Variants in WDR20 observed in about 807,000 individuals in gnomAD.
WDR20 encodes WD repeat-containing protein 20.
WDR20 carries 3 observed loss-of-function variants against 38.7 expected under a neutral mutation model. The ratio of observed to expected loss-of-function variants is 0.08; its 90% CI spans 0.04 to 0.20. The LOEUF is 0.20. WDR20 is among the 10% of genes least tolerant of loss of function. WDR20 has a pLI of 1.00. For synonymous variants in WDR20, 298 were observed against 285.6 expected (o/e 1.04, Z -0.44); for missense variants, 559 against 727.7 (o/e 0.77, Z 2.67).
intron 2 of WDR20, among the ~76,000 whole-genome samples, chr14:102,196,825 C>T (rs2059492397): frequency 6.6e-6 from 1 of 152,202 alleles, no homozygotes; most frequent in Non-Finnish European, 1.5e-5. Context: ...ACTCACTTTA[C>T]ATTTTATTTG....
chr14:102,164,763 C>T lies in WDR20; in HGVS notation c.249+24591C>T, dbSNP rs188532997. Among the ~76,000 whole-genome samples, 894 of 152,320 alleles carry T rather than the reference C, an allele frequency of 5.9e-3. 4 individuals are homozygous for T. Among genetic ancestry groups the T allele is most frequent in the Admixed American group, 8.8e-3 (134 of 15,294 alleles). On this transcript the variant is annotated intron_variant, in intron 1 of 2. Coordinates refer to ENST00000342702, the MANE Select transcript of WDR20 (RefSeq NM_144574.4). ...TCCTTTGCTAGTTCTTTCTACTCTA[C>T]CTAGAATTTAACTATCGGATTTCTT...
chr14:102,202,667 A>G (rs1454352205), intron 2 of WDR20, among the ~76,000 whole-genome samples: 1 of 151,808 alleles, frequency 6.6e-6, no homozygotes, highest in Non-Finnish European at 1.5e-5. Flanking sequence ...GGTGTGAGCC[A>G]CTGCGCCGGG....
At chr14:102,144,154 G>T (rs1046157104) in intron 1 of WDR20, among the ~76,000 whole-genome samples, 3 of 152,052 alleles carry the variant, frequency 2.0e-5, no homozygotes, top group African/African-American at 7.2e-5. Context: ...CCCAACCTGG[G>T]CAACAGAATG....
chr14:102,157,929 T>G (rs59904499), intron 1 of WDR20, among the ~76,000 whole-genome samples: 3 of 152,086 alleles, frequency 2.0e-5, no homozygotes, highest in Non-Finnish European at 4.4e-5. Flanking sequence ...TCCAAAGTAA[T>G]GTACTACATT....
intron 2 of WDR20, among the ~76,000 whole-genome samples, chr14:102,205,064 G>T (rs1241348728): frequency 2.6e-5 from 4 of 152,130 alleles, no homozygotes; most frequent in African/African-American, 9.7e-5. Flanking sequence ...GACCAGCCTG[G>T]ACAACATAGC....
At chr14:102,203,707 C>T (rs915427290) in intron 2 of WDR20, among the ~76,000 whole-genome samples, 2 of 152,156 alleles carry the variant, frequency 1.3e-5, no homozygotes, top group South Asian at 2.1e-4. Context: ...CCCCATCCCT[C>T]AGAGGGACCG....
Position 102,209,244 on chromosome 14 carries a change from A to C in WDR20, c.1074A>C (p.Thr358=). 9 of 1,614,200 alleles carry C rather than the reference A, an allele frequency of 5.6e-6. No homozygotes were observed. The highest frequency in any genetic ancestry group is 7.6e-6 in the Non-Finnish European group (9 of 1,180,050). ...TQSRLSKRNS[T]DSRPVSVTYR... is the part of the protein sequence containing the mutation. ...CCAGGCTCTCCAAACGGAACTCTAC[A>C]GACAGCCGCCCCGTAAGTGTCACGT... is the stretch of plus-strand genomic sequence containing the variant. The change falls in exon 3 of 3, where the codon ACA becomes ACC. Residue 358 remains threonine, a synonymous_variant. Transcript: ENST00000342702. The surrounding 1 kb of genome is among the most constrained non-coding windows in gnomAD (Gnocchi z 6.0).
At chr14:102,161,142 AT>A (rs1233679287) in intron 1 of WDR20, among the ~76,000 whole-genome samples, 42 of 16,040 alleles carry the variant, frequency 2.6e-3, no homozygotes, top group East Asian at 5.5e-3. Context: ...ATATATATAT[AT>A]TTTTTTTTTT....
Position 102,169,434 on chromosome 14 carries a change from C to G in WDR20, c.250-25504C>G, listed in dbSNP as rs139686424. Among the ~76,000 whole-genome samples, 170 of 152,288 alleles carry G rather than the reference C, an allele frequency of 1.1e-3. 4 individuals are homozygous for G. The highest frequency in any genetic ancestry group is 7.1e-3 in the Admixed American group (109 of 15,302). ...CCACCTAAAATCTACAAGAGGAGGG[C>G]TTTATCTGTCTTTGTTGGTGAGATA... On this transcript the variant is annotated intron_variant, in intron 1 of 2. Transcript: ENST00000342702.
At chr14:102,198,032 T>C in intron 2 of WDR20, 1 of 442,172 alleles carries the variant, frequency 2.3e-6, no homozygotes, top group Non-Finnish European at 4.0e-6. Flanking sequence ...CCACAGATGG[T>C]GACACTTTGT....
At chr14:102,215,667 AGTT>A (rs1200908311), downstream of WDR20, among the ~76,000 whole-genome samples, 1 of 151,984 alleles carries the variant, frequency 6.6e-6, no homozygotes, top group Non-Finnish European at 1.5e-5. Context: ...TCCTGGCTAG[AGTT>A]CATTGTCTGC....
intron 1 of WDR20, among the ~76,000 whole-genome samples, chr14:102,156,790 A>G (rs1414108351): frequency 3.3e-5 from 5 of 152,002 alleles, no homozygotes; most frequent in African/African-American, 7.3e-5. Flanking sequence ...TGAGGCAGGA[A>G]TTCGAGACCA....
chr14:102,150,031 A>G (rs2055200272), intron 1 of WDR20, among the ~76,000 whole-genome samples: 1 of 152,188 alleles, frequency 6.6e-6, no homozygotes. Context: ...AAAAGTAGAT[A>G]TATTATTCTA....
At chr14:102,215,665 A>G (rs930106899), downstream of WDR20, among the ~76,000 whole-genome samples, 5 of 152,004 alleles carry the variant, frequency 3.3e-5, no homozygotes, top group African/African-American at 1.2e-4. Context: ...TTTCCTGGCT[A>G]GAGTTCATTG....
chr14:102,140,169 C>T lies in WDR20; in HGVS notation c.246C>T (p.Arg82=), dbSNP rs200007335. The change falls in exon 1 of 3, where the codon CGC becomes CGT. Residue 82 remains arginine, a synonymous_variant. Transcript: ENST00000342702. ...ACTTCTATATCTACAAGGGGGTCCG[C>T]AAGGTACCGACCCGGGCGTCACCGG... The part of the protein sequence containing the change: ...ELYFYIYKGV[R]KAADLSKPID... The T allele has an allele frequency of 6.2e-7, 1 of 1,611,828 alleles. No individual in the cohort carries two copies. The highest frequency in any genetic ancestry group is 2.2e-5 in the East Asian group (1 of 44,878).
downstream of WDR20, chr14:102,212,630 A>AGC (rs770931745): frequency 6.5e-7 from 1 of 1,534,002 alleles, no homozygotes; most frequent in South Asian, 1.2e-5. Flanking sequence ...GGGGCAGGGA[A>AGC]GCGCCCTTCT....
chr14:102,158,911 CAG>C (rs1319444903), intron 1 of WDR20, among the ~76,000 whole-genome samples: 2 of 152,018 alleles, frequency 1.3e-5, no homozygotes, highest in African/African-American at 2.4e-5. Context: ...AAACAGTTGT[CAG>C]GGGGAGAGAC....
chr14:102,139,686 C>T (rs1255091449), upstream of WDR20: 3 of 673,568 alleles, frequency 4.5e-6, no homozygotes, highest in Non-Finnish European at 7.4e-6. Flanking sequence ...AGGCCACACC[C>T]GGGGGAGGAG....
chr14:102,140,279 A>T (rs1595706079), intron 1 of WDR20, 107 bp downstream of exon 1: 3 of 1,508,888 alleles, frequency 2.0e-6, no homozygotes, highest in East Asian at 2.4e-5. Context: ...CGTCGCTCTT[A>T]CTTTTGAGTG....
Sources: allele counts gnomAD v4.1 joint callset (sites outside exome capture counted in the v4.1 genomes callset), GRCh38; gene constraint gnomAD v4.1.1; non-coding constraint Gnocchi (gnomAD v3.1); transcripts MANE v1.5; gene names NCBI Gene and HGNC (gene_info 2026-07-23, HGNC 2026-07-21).